Variants in FGL1 observed in about 807,000 individuals in gnomAD.
FGL1 encodes the protein fibrinogen-like protein 1.
In FGL1, 59 loss-of-function variants were observed where a neutral mutation model predicts 43.7. The ratio of observed to expected loss-of-function variants is 1.35; its 90% CI spans 1.10 to 1.68. FGL1 has a LOEUF of 1.68. Among genes scored for constraint, FGL1 ranks in the 40% most tolerant of loss-of-function variants. The probability of loss-of-function intolerance (pLI) is 0.00; values close to 1 mark genes in which losing one functional copy is unlikely to be tolerated. For synonymous variants in FGL1, 192 were observed against 126.5 expected, an observed-to-expected ratio of 1.52 and a Z score of -3.48; for missense variants, 596 against 373.0, an observed-to-expected ratio of 1.60 and a Z score of -4.92.
chr8:17,887,055 C>T (rs78696652), intron 1 of FGL1, among the ~76,000 whole-genome samples: 3,305 of 152,250 alleles, frequency 0.022, 59 homozygotes, highest in South Asian at 0.042. Flanking sequence ...CCCAGAGATG[C>T]TCCAGGTGAC....
At chr8:17,884,552 C>T (rs889866216) in intron 2 of FGL1, among the ~76,000 whole-genome samples, 1 of 152,078 alleles carries the variant, frequency 6.6e-6, no homozygotes, top group African/African-American at 2.4e-5. Flanking sequence ...TCAGATTTAT[C>T]CCTTCTGAGA....
At chr8:17,891,044 A>G (rs1401728065) in intron 1 of FGL1, among the ~76,000 whole-genome samples, 1 of 152,164 alleles carries the variant, frequency 6.6e-6, no homozygotes, top group African/African-American at 2.4e-5. Flanking sequence ...TTATCACCAA[A>G]TATAATGAAA....
rs772944451 is a variant in FGL1, at chr8:17,868,701, C to T, written c.626G>A (p.Gly209Glu). 1 of 1,613,206 alleles carries T rather than the reference C, an allele frequency of 6.2e-7. No individual in the cohort carries two copies. Among genetic ancestry groups the T allele is most frequent in the Admixed American group, 1.7e-5 (1 of 59,734 alleles). ...FYELNIGEYS[G>E]TAGDSLAGNF... ...CCCCGCAAGGGAATCTCCAGCTGTTCCAGAATATTCCCCAATATTCAACTC... is the reference window on the plus strand; with the variant it reads ...CCCCGCAAGGGAATCTCCAGCTGTTTCAGAATATTCCCCAATATTCAACTC... The change falls in exon 7 of 8, where the codon GGA becomes GAA. Residue 209 changes from glycine (G) to glutamate (E), a missense_variant. Transcript: ENST00000427924.
chr8:17,881,607 G>A (rs1213282330), intron 3 of FGL1, among the ~76,000 whole-genome samples: 1 of 151,542 alleles, frequency 6.6e-6, no homozygotes, highest in Non-Finnish European at 1.5e-5. Context: ...GCCGAGGCAG[G>A]CGAATCACAA....
chr8:17,879,911 T>C (rs1418263621), intron 3 of FGL1, among the ~76,000 whole-genome samples: 1 of 152,140 alleles, frequency 6.6e-6, no homozygotes, highest in Non-Finnish European at 1.5e-5. Context: ...GCTCAGAATG[T>C]GTTCAAATAG....
intron 3 of FGL1, among the ~76,000 whole-genome samples, chr8:17,880,878 T>G (rs1384487594): frequency 2.0e-5 from 3 of 152,196 alleles, no homozygotes; most frequent in Non-Finnish European, 4.4e-5. Flanking sequence ...TTAAAATCAT[T>G]TAGTTTCTGG....
At position 17,874,345 on chromosome 8, in the gene FGL1, C is replaced by T. The variant is rs374709305; in HGVS notation, c.404+17G>A. ...ATTTGCTGCTACATATAAAGTCTTA[C>T]ATCATAATTAGCACACCTGTTAAAG... is the stretch of plus-strand genomic sequence containing the variant. On this transcript the variant is annotated intron_variant, in intron 4 of 7. Coordinates refer to ENST00000427924, the MANE Select transcript of FGL1 (RefSeq NM_004467.4). 5.0e-6 allele frequency: 8 copies of T among 1,608,004 alleles called. No homozygotes were observed. The highest frequency in any genetic ancestry group is 2.2e-5 in the East Asian group (1 of 44,784).
intron 7 of FGL1, among the ~76,000 whole-genome samples, chr8:17,866,046 G>C (rs750121346): frequency 3.3e-5 from 5 of 152,116 alleles, no homozygotes; most frequent in Non-Finnish European, 4.4e-5. Context: ...ACTGTAAATT[G>C]AGTCTCCAGA....
chr8:17,886,879 G>C (rs1043399839), intron 1 of FGL1, among the ~76,000 whole-genome samples: 3 of 152,108 alleles, frequency 2.0e-5, no homozygotes, highest in Non-Finnish European at 4.4e-5. Context: ...AGAAGTCACA[G>C]TGTAGCACCC....
chr8:17,868,887 C>A (rs75939304), intron 6 of FGL1, 29 bp downstream of exon 6: 3 of 1,528,260 alleles, frequency 2.0e-6, no homozygotes, highest in African/African-American at 2.8e-5. Flanking sequence ...CATTTATTCA[C>A]GGTTTTACTT....
chr8:17,893,015 A>G (rs2053727151), intron 1 of FGL1, among the ~76,000 whole-genome samples: 1 of 152,174 alleles, frequency 6.6e-6, no homozygotes, highest in Admixed American at 6.5e-5. Flanking sequence ...CATGGCCAAC[A>G]TGGCAAAACC....
chr8:17,895,326 T>A, intron 1 of FGL1, 121 bp downstream of exon 1: 1 of 1,143,204 alleles, frequency 8.7e-7, no homozygotes, highest in South Asian at 1.9e-5. Context: ...TCCTTGCTAG[T>A]CAACCTGACT....
chr8:17,881,518 A>G (rs1468043478), intron 3 of FGL1, among the ~76,000 whole-genome samples: 1 of 150,782 alleles, frequency 6.6e-6, no homozygotes, highest in Non-Finnish European at 1.5e-5. Flanking sequence ...TTCACATTAA[A>G]TGCCCTGGCA....
chr8:17,889,119 G>A (rs952159908), intron 1 of FGL1, among the ~76,000 whole-genome samples: 1 of 152,128 alleles, frequency 6.6e-6, no homozygotes, highest in Non-Finnish European at 1.5e-5. Context: ...CCTCTGCAAG[G>A]CTGCAATATT....
rs2053440910 is a variant in FGL1 at position 17,875,555 on chromosome 8, T to TCTCTCTCTC, written c.245-1035_245-1034insGAGAGAGAG. On this transcript the variant is annotated intron_variant, in intron 3 of 7. Transcript: ENST00000427924. ...TCTTTCTCTTTCTTTCTTTCTTTCTTTCTTTCTTTCTTTCTTTCTTTCTTT... is the reference window on the plus strand; with the variant it reads ...TCTTTCTCTTTCTTTCTTTCTTTCTTCTCTCTCTCTCTTTCTTTCTTTCTTTCTTTCTTT... Among the ~76,000 whole-genome samples the TCTCTCTCTC allele has an allele frequency of 1.2e-4, 2 of 17,270 alleles. 1 individual carries two copies. The highest frequency in any genetic ancestry group is 4.3e-4 in the Non-Finnish European group (2 of 4,646). 11.3% of individuals were successfully genotyped at this position (17,270 alleles called of 152,430 possible). A position where few individuals can be genotyped will look rare whatever the true frequency, so the allele number is the denominator to read the frequency against.
rs4921819 is a variant in FGL1 at position 17,870,776 on chromosome 8, C to G, written c.503-1772G>C. ...CAAAAATTAGCTGGGCATGGTGGCA[C>G]GTGCCTGTAATCCCAGCTACTCAGG... On this transcript the variant is annotated intron_variant, in intron 5 of 7. Transcript: ENST00000427924. 2.2e-3 allele frequency among the ~76,000 whole-genome samples: 341 copies of G among 151,964 alleles called. 2 individuals carry two copies. The highest frequency in any genetic ancestry group is 0.018 in the Admixed American group (272 of 15,276).
At chr8:17,872,469 A>G (rs1238603401) in intron 5 of FGL1, among the ~76,000 whole-genome samples, 1 of 151,796 alleles carries the variant, frequency 6.6e-6, no homozygotes, top group African/African-American at 2.4e-5. Flanking sequence ...TGCCTGGCTA[A>G]TTTTTGTATT....
rs2053547563 is a variant in FGL1, at chr8:17,882,190, G to A, written c.64-11C>T. 9 of 1,610,564 alleles carry A rather than the reference G, an allele frequency of 5.6e-6. No homozygotes were observed. Among genetic ancestry groups the A allele is most frequent in the Non-Finnish European group, 7.6e-6 (9 of 1,178,744 alleles). On this transcript the variant is annotated splice_polypyrimidine_tract_variant and intron_variant, in intron 2 of 7. Transcript: ENST00000427924. The stretch of plus-strand genomic sequence containing the variant: ...ACAGTCCTCGAGCGCCTGCAAAACA[G>A]GTGAGATGAGATGAGTATGCACCTC...
intron 1 of FGL1, among the ~76,000 whole-genome samples, chr8:17,885,955 A>T (rs1021462655): frequency 6.6e-6 from 1 of 152,100 alleles, no homozygotes; most frequent in East Asian, 1.9e-4. Flanking sequence ...TTTTCTCCCT[A>T]TGTTGTGAGG....
Sources: allele counts gnomAD v4.1 joint callset (sites outside exome capture counted in the v4.1 genomes callset), GRCh38; gene constraint gnomAD v4.1.1; transcripts MANE v1.5; gene names NCBI Gene and HGNC (gene_info 2026-07-23, HGNC 2026-07-21).